Variants in FMN1 observed in about 807,000 individuals in gnomAD.
FMN1 encodes formin 1.
Under a neutral mutation model 132.4 loss-of-function variants are expected in FMN1, and 110 were observed. The observed-to-expected ratio is 0.83, with a 90% CI of 0.71 to 0.97. FMN1 has a LOEUF of 0.97. Ranked by LOEUF, FMN1 falls within the 50% of genes least tolerant of loss-of-function variation. The pLI, the probability that FMN1 is intolerant of heterozygous loss-of-function variation, is 0.00. For missense variants in FMN1, 1,792 were observed against 1,705.3 expected (o/e 1.05, Z -0.90); for synonymous variants, 722 against 651.7 (o/e 1.11, Z -1.64).
chr15:33,040,649 G>A (rs2036390933), intron 6 of FMN1, among the ~76,000 whole-genome samples: 1 of 152,180 alleles, frequency 6.6e-6, no homozygotes, highest in Non-Finnish European at 1.5e-5. Context: ...CCATTTACTT[G>A]CAATGTCTAA....
chr15:33,001,260 G>T (rs2034086147), intron 7 of FMN1, among the ~76,000 whole-genome samples: 2 of 152,008 alleles, frequency 1.3e-5, no homozygotes, highest in South Asian at 4.1e-4. Context: ...TCTAGCTTGG[G>T]TAACAAGAGT....
At chr15:32,979,316 G>C (rs924590164) in intron 7 of FMN1, among the ~76,000 whole-genome samples, 4 of 152,092 alleles carry the variant, frequency 2.6e-5, no homozygotes, top group African/African-American at 4.8e-5. Context: ...AGCACTTTCG[G>C]AGGCTGAGGT....
intron 4 of FMN1, among the ~76,000 whole-genome samples, chr15:33,131,755 G>C (rs1461266383): frequency 6.6e-6 from 1 of 152,160 alleles, no homozygotes; most frequent in Non-Finnish European, 1.5e-5. Flanking sequence ...GAAAAGTGCA[G>C]TACAAAGGTG....
chr15:32,883,552 C>T (rs1296652253), intron 16 of FMN1, among the ~76,000 whole-genome samples: 3 of 107,568 alleles, frequency 2.8e-5, no homozygotes, highest in African/African-American at 1.0e-4. Flanking sequence ...AGAATGAGAT[C>T]AAGCGGTAAG....
intron 14 of FMN1, among the ~76,000 whole-genome samples, chr15:32,899,307 C>T (rs573167033): frequency 6.6e-4 from 101 of 152,252 alleles, no homozygotes; most frequent in Non-Finnish European, 1.2e-3. Flanking sequence ...CAATCCAGGC[C>T]AGCTTAAAAG....
chr15:33,033,681 T>G (rs2036054476), intron 6 of FMN1, among the ~76,000 whole-genome samples: 1 of 151,430 alleles, frequency 6.6e-6, no homozygotes, highest in Non-Finnish European at 1.5e-5. Flanking sequence ...TTTTTTTTTT[T>G]GTTCCTTTGT....
chr15:32,983,129 T>C (rs948290621), intron 7 of FMN1, among the ~76,000 whole-genome samples: 2 of 152,040 alleles, frequency 1.3e-5, no homozygotes, highest in African/African-American at 4.8e-5. Flanking sequence ...CTTCAACTGG[T>C]GAAAAAATAA....
At chr15:33,024,092 G>A (rs550693172) in intron 6 of FMN1, among the ~76,000 whole-genome samples, 1 of 151,748 alleles carries the variant, frequency 6.6e-6, no homozygotes, top group South Asian at 2.1e-4. Flanking sequence ...ATGAACAAAA[G>A]GACAGTAAAT....
At chr15:33,121,151 C>T (rs1962516115) in intron 4 of FMN1, among the ~76,000 whole-genome samples, 1 of 152,184 alleles carries the variant, frequency 6.6e-6, no homozygotes, top group African/African-American at 2.4e-5. Context: ...AGTCTACTTT[C>T]TCCAAGGACT....
At chr15:33,138,904 G>A (rs1182666342) in intron 4 of FMN1, among the ~76,000 whole-genome samples, 2 of 151,902 alleles carry the variant, frequency 1.3e-5, no homozygotes, top group Non-Finnish European at 2.9e-5. Flanking sequence ...TGTATTTCAA[G>A]ACCCTGGAGA....
chr15:32,904,068 C>A (rs932257150), intron 12 of FMN1, among the ~76,000 whole-genome samples: 1 of 152,004 alleles, frequency 6.6e-6, no homozygotes, highest in Non-Finnish European at 1.5e-5. Flanking sequence ...AGGGACCATG[C>A]GAAGATCTGA....
At chr15:33,081,202 T>G (rs561229417) in intron 5 of FMN1, among the ~76,000 whole-genome samples, 2 of 152,340 alleles carry the variant, frequency 1.3e-5, no homozygotes, top group East Asian at 3.9e-4. Flanking sequence ...AGCTTTGGTT[T>G]ACAGTACAGT....
At position 32,969,071 on chromosome 15, in the gene FMN1, G is replaced by C. The variant is rs763346031; in HGVS notation, c.2630C>G (p.Pro877Arg). ...ALPPPPASIP[P>R]PPPLPSGLGS... ...AAGTCCTGAGGGGAGGGGCGGAGGGGGAGGGATGGATGCGGGAGGCGGAGG... is the reference window on the plus strand; with the variant it reads ...AAGTCCTGAGGGGAGGGGCGGAGGGCGAGGGATGGATGCGGGAGGCGGAGG... The change falls in exon 8 of 21, where the codon CCC (proline) becomes CGC (arginine). Residue 877 changes from proline to arginine, a missense_variant. Physicochemically the swap from Pro to Arg is moderately radical, Grantham distance 103. This residue lies in a region of FMN1 where 1,150 missense variants were observed against 1,043.1 expected (regional missense o/e 1.10). Coordinates refer to ENST00000616417, the MANE Select transcript of FMN1 (RefSeq NM_001277313.2). 6.3e-7 allele frequency: 1 copy of C among 1,586,864 alleles called. No individual in the cohort carries two copies. Among genetic ancestry groups the C allele is most frequent in the African/African-American group, 1.3e-5 (1 of 74,574 alleles).
At chr15:32,852,398 T>C (rs912167248) in intron 17 of FMN1, among the ~76,000 whole-genome samples, 1 of 152,024 alleles carries the variant, frequency 6.6e-6, no homozygotes, top group African/African-American at 2.4e-5. Flanking sequence ...GTTTGTTTGT[T>C]TTTGAGACAG....
intron 17 of FMN1, among the ~76,000 whole-genome samples, chr15:32,848,981 T>TG (rs200020646): frequency 0.02 from 2,303 of 115,468 alleles, 31 homozygotes; most frequent in African/African-American, 0.05. Context: ...TCTTTTGTTT[T>TG]TTTTTTTTTT....
intron 5 of FMN1, among the ~76,000 whole-genome samples, chr15:33,070,859 GTTA>G (rs767490030): frequency 5.9e-5 from 9 of 152,140 alleles, no homozygotes; most frequent in Non-Finnish European, 1.3e-4. Flanking sequence ...ATTATGAGTT[GTTA>G]TTATTATTAT....
At chr15:33,066,200 A>G (rs1364046992) in intron 5 of FMN1, among the ~76,000 whole-genome samples, 1 of 152,174 alleles carries the variant, frequency 6.6e-6, no homozygotes, top group Non-Finnish European at 1.5e-5. Flanking sequence ...ATCTTGCATC[A>G]TTTCCTCATG....
At chr15:32,944,699 G>C (rs1265952780) in intron 9 of FMN1, among the ~76,000 whole-genome samples, 3 of 151,948 alleles carry the variant, frequency 2.0e-5, no homozygotes, top group Non-Finnish European at 4.4e-5. Flanking sequence ...CCCTTTTCTT[G>C]TTTTTCAGGC....
intron 4 of FMN1, among the ~76,000 whole-genome samples, chr15:33,119,018 G>A (rs1962298379): frequency 1.3e-5 from 2 of 152,144 alleles, no homozygotes; most frequent in Non-Finnish European, 2.9e-5. Flanking sequence ...TTGGAGATCA[G>A]CACCCCTGCA....
Sources: allele counts gnomAD v4.1 joint callset (sites outside exome capture counted in the v4.1 genomes callset), GRCh38; gene constraint gnomAD v4.1.1; regional missense constraint gnomAD v4.1.1; transcripts MANE v1.5; gene names NCBI Gene and HGNC (gene_info 2026-07-23, HGNC 2026-07-21).